Variants in MYO16 observed in about 807,000 individuals in gnomAD.
The protein encoded by MYO16 is myosin XVI.
A neutral mutation model predicts 205.3 loss-of-function variants in MYO16; 94 were observed. The observed-to-expected ratio is 0.46, with a 90% CI of 0.39 to 0.54. The LOEUF (loss-of-function observed/expected upper bound fraction) is 0.54. Among genes scored for constraint, MYO16 ranks in the 20% least tolerant of loss-of-function variants. MYO16 has a pLI of 0.00. For missense variants in MYO16, 2,315 were observed against 2,387.5 expected (o/e 0.97, Z 0.63); for synonymous variants, 988 against 954.0 (o/e 1.04, Z -0.66).
chr13:108,596,248 G>A (rs1878554524), intron 1 of MYO16: 1 of 152,118 alleles, frequency 6.6e-6, no homozygotes. Flanking sequence ...TGGTAAGTGG[G>A]TCAGCTCTGG....
At chr13:109,059,133 T>C (rs1342006705) in intron 27 of MYO16, among the ~76,000 whole-genome samples, 1 of 152,170 alleles carries the variant, frequency 6.6e-6, no homozygotes, top group African/African-American at 2.4e-5. Context: ...TCAAAGTCAT[T>C]CATGAAGATG....
At chr13:109,133,385 G>A (rs1876630425) in intron 31 of MYO16, among the ~76,000 whole-genome samples, 1 of 152,208 alleles carries the variant, frequency 6.6e-6, no homozygotes, top group Non-Finnish European at 1.5e-5. Flanking sequence ...TTTTCTCATA[G>A]ATTAACTATG....
intron 2 of MYO16, among the ~76,000 whole-genome samples, chr13:108,672,816 A>G (rs1882046264): frequency 6.6e-6 from 1 of 152,168 alleles, no homozygotes; most frequent in Non-Finnish European, 1.5e-5. Context: ...TAAAAATCAG[A>G]GAGGAAGTAC....
the MYO16 span, among the ~76,000 whole-genome samples, chr13:108,584,439 T>C: frequency 1.3e-5 from 2 of 152,206 alleles, no homozygotes; most frequent in East Asian, 3.8e-4. Context: ...AAATGGAATA[T>C]CCATTACCTC....
At chr13:109,155,464 G>A (rs891791077) in intron 32 of MYO16, among the ~76,000 whole-genome samples, 1 of 152,166 alleles carries the variant, frequency 6.6e-6, no homozygotes, top group African/African-American at 2.4e-5. Context: ...GTAGAGGGCC[G>A]GGCAAATCCA....
At chr13:108,511,192 A>C in the MYO16 span, among the ~76,000 whole-genome samples, 1 of 128,698 alleles carries the variant, frequency 7.8e-6, no homozygotes, top group Non-Finnish European at 1.7e-5. Flanking sequence ...GATATCTCAT[A>C]GTGGTTTTGA....
chr13:109,109,933 G>C (rs1313827841), intron 28 of MYO16, among the ~76,000 whole-genome samples: 1 of 152,156 alleles, frequency 6.6e-6, no homozygotes, highest in African/African-American at 2.4e-5. Context: ...GATCAGATGT[G>C]CAGGATAAAA....
intron 4 of MYO16, among the ~76,000 whole-genome samples, chr13:108,759,561 C>T (rs963056112): frequency 1.2e-4 from 18 of 152,158 alleles, no homozygotes; most frequent in African/African-American, 4.1e-4. Flanking sequence ...GTGGCTCACG[C>T]CTGTAATCCC....
intron 2 of MYO16, among the ~76,000 whole-genome samples, chr13:108,695,584 AGGGTGGATCAT>A (rs1883061961): frequency 6.6e-6 from 1 of 151,958 alleles, no homozygotes; most frequent in African/African-American, 2.4e-5. Context: ...GGATTTCGAT[AGGGTGGATCAT>A]GGCTTTTTTC....
chr13:108,888,345 T>C, intron 13 of MYO16, 27 bp from the exon 14 acceptor site: 1 of 1,509,644 alleles, frequency 6.6e-7, no homozygotes, highest in African/African-American at 1.4e-5. Context: ...CCTTCAAACT[T>C]ATGTTTTTCC....
At chr13:108,825,770 C>A (rs1876227736) in intron 9 of MYO16, among the ~76,000 whole-genome samples, 1 of 151,726 alleles carries the variant, frequency 6.6e-6, no homozygotes, top group Admixed American at 6.6e-5. Context: ...CAGAAACAAT[C>A]TGTATTTCTA....
intron 1 of MYO16, among the ~76,000 whole-genome samples, chr13:108,599,310 ATG>A (rs1878677490): frequency 1.4e-5 from 2 of 147,698 alleles, no homozygotes; most frequent in South Asian, 4.5e-4. Flanking sequence ...ATACATGTGC[ATG>A]TGTCTTTATA....
rs1190531499 is a variant in MYO16 at position 108,992,458 on chromosome 13, C to T, written c.2442+10C>T. 6.6e-7 allele frequency: 1 copy of T among 1,524,214 alleles called. No homozygotes were observed. Among genetic ancestry groups the T allele is most frequent in the South Asian group, 1.1e-5 (1 of 87,060 alleles). The allele number at this position is 1,524,214 out of a possible 1,614,324, so 94.4% of individuals were successfully genotyped here. The stretch of plus-strand genomic sequence containing the variant: ...GAATGAATTTGAACAAGTAAGTAGT[C>T]TTTCTTTTAAAATTGTGTGAACTTG... On this transcript the variant is annotated intron_variant, in intron 21 of 34. Transcript: ENST00000457511.
At chr13:109,120,559 T>C in intron 29 of MYO16, 93 bp downstream of exon 29, 1 of 851,264 alleles carries the variant, frequency 1.2e-6, no homozygotes, top group South Asian at 1.8e-5. Context: ...CGATGGGGTC[T>C]GCACCCTAGT....
At chr13:108,994,382 A>C (rs1566450586) in intron 21 of MYO16, among the ~76,000 whole-genome samples, 1 of 152,122 alleles carries the variant, frequency 6.6e-6, no homozygotes, top group Non-Finnish European at 1.5e-5. Context: ...TTGTGTACAA[A>C]AGCAACTAGG....
intron 23 of MYO16, among the ~76,000 whole-genome samples, chr13:109,036,135 A>G (rs1409466099): frequency 1.3e-5 from 2 of 152,220 alleles, no homozygotes; most frequent in Non-Finnish European, 2.9e-5. Flanking sequence ...CCCCAGCTCC[A>G]GCCAACCCCT....
intron 28 of MYO16, among the ~76,000 whole-genome samples, chr13:109,114,055 A>T (rs1324946818): frequency 6.6e-6 from 1 of 152,122 alleles, no homozygotes; most frequent in East Asian, 1.9e-4. Flanking sequence ...TCAGTGAAGA[A>T]CTCTGAGGAT....
intron 15 of MYO16, among the ~76,000 whole-genome samples, chr13:108,907,711 G>T (rs1881056360): frequency 6.6e-6 from 1 of 152,168 alleles, no homozygotes; most frequent in Non-Finnish European, 1.5e-5. Flanking sequence ...TTCACTGCTG[G>T]AGATGAGCTA....
chr13:109,053,076 G>T (rs1887299702), intron 25 of MYO16, among the ~76,000 whole-genome samples: 1 of 152,116 alleles, frequency 6.6e-6, no homozygotes, highest in South Asian at 2.1e-4. Flanking sequence ...TAGGAAACAT[G>T]TATGGAATGT....
Sources: gnomAD v4.1 joint callset for allele counts (sites outside exome capture counted in the v4.1 genomes callset) on GRCh38, gnomAD v4.1.1 for gene constraint, MANE v1.5 for transcripts, NCBI Gene and HGNC (gene_info 2026-07-23, HGNC 2026-07-21) for gene names.